Variants in KIF26B observed in about 807,000 individuals in gnomAD.
The protein encoded by KIF26B is kinesin family member 26B.
A neutral mutation model predicts 151.2 loss-of-function variants in KIF26B; 63 were observed. The ratio of observed to expected loss-of-function variants is 0.42; its 90% CI spans 0.34 to 0.51. The LOEUF (loss-of-function observed/expected upper bound fraction) is 0.51. Ranked by LOEUF, KIF26B falls within the 20% of genes least tolerant of loss-of-function variation. The pLI is 0.07. For missense variants in KIF26B, 2,813 were observed against 2,913.6 expected (o/e 0.97, Z 0.79); for synonymous variants, 1,357 against 1,262.1 (o/e 1.08, Z -1.59).
chr1:245,335,202 C>T (rs372288772), intron 2 of KIF26B, among the ~76,000 whole-genome samples: 2 of 152,148 alleles, frequency 1.3e-5, no homozygotes, highest in Non-Finnish European at 2.9e-5. Flanking sequence ...ATAATTGAGG[C>T]ATCACGGACC....
Position 245,552,037 on chromosome 1 carries a change from G to A in KIF26B, c.1350+11087G>A, listed in dbSNP as rs560343514. On this transcript the variant is annotated intron_variant, in intron 5 of 14. Transcript: ENST00000407071. The stretch of plus-strand genomic sequence containing the variant: ...CCCCTTTGAATCCAGAGCACTACAC[G>A]GTGCCCAACTGTCATAGGTGTCATA... Among the ~76,000 whole-genome samples the A allele has an allele frequency of 6.2e-5, 8 of 129,098 alleles. No homozygotes were observed. In the South Asian group the frequency reaches 9.1e-4, roughly 15 times the overall value. The allele number at this position is 129,098 out of a possible 152,430, so 84.7% of individuals were successfully genotyped here.
At chr1:245,213,465 T>A (rs1019409018) in intron 2 of KIF26B, among the ~76,000 whole-genome samples, 3 of 152,054 alleles carry the variant, frequency 2.0e-5, no homozygotes, top group Non-Finnish European at 4.4e-5. Context: ...AACCCTTAAC[T>A]CCCAGAGATC....
intron 10 of KIF26B, among the ~76,000 whole-genome samples, chr1:245,652,314 G>A (rs371634612): frequency 6.6e-6 from 1 of 152,162 alleles, no homozygotes; most frequent in Non-Finnish European, 1.5e-5. Context: ...CAGGTTGCCA[G>A]GCAACTGCAG....
chr1:245,299,519 TTAAG>T (rs1356267612), intron 2 of KIF26B, among the ~76,000 whole-genome samples: 2 of 152,188 alleles, frequency 1.3e-5, no homozygotes, highest in East Asian at 1.9e-4. Flanking sequence ...GTAATGAAAA[TTAAG>T]TAGTTTGCAA....
intron 2 of KIF26B, among the ~76,000 whole-genome samples, chr1:245,204,408 C>T (rs898367906): frequency 6.7e-6 from 1 of 150,050 alleles, no homozygotes; most frequent in Admixed American, 6.6e-5. Context: ...GAGTCTTGCT[C>T]TGCCACCCAG....
chr1:245,524,795 C>T (rs1047770692), intron 4 of KIF26B, among the ~76,000 whole-genome samples: 3 of 152,030 alleles, frequency 2.0e-5, no homozygotes, highest in Admixed American at 6.6e-5. Flanking sequence ...AGCCGAGGCC[C>T]CCCTTATCTT....
chr1:245,224,366 G>C (rs1015225457), intron 2 of KIF26B, among the ~76,000 whole-genome samples: 1 of 152,046 alleles, frequency 6.6e-6, no homozygotes, highest in African/African-American at 2.4e-5. Flanking sequence ...TAGCACGATT[G>C]TCTTCAGGAA....
At chr1:245,172,124 C>T (rs1668721443) in intron 2 of KIF26B, among the ~76,000 whole-genome samples, 1 of 152,194 alleles carries the variant, frequency 6.6e-6, no homozygotes, top group African/African-American at 2.4e-5. Flanking sequence ...ATTTCTTTGG[C>T]CTTCACCGTA....
intron 2 of KIF26B, among the ~76,000 whole-genome samples, chr1:245,257,350 A>G (rs112670512): frequency 0.025 from 3,860 of 152,342 alleles, 150 homozygotes; most frequent in African/African-American, 0.086. Flanking sequence ...GCTGTGTCAC[A>G]GGCCACGGTC....
chr1:245,163,673 A>G (rs1668568980), intron 2 of KIF26B, among the ~76,000 whole-genome samples: 1 of 152,120 alleles, frequency 6.6e-6, no homozygotes, highest in Non-Finnish European at 1.5e-5. Flanking sequence ...GAACAAGTCT[A>G]CTTTTTAGCA....
At chr1:245,696,075 GC>G (rs1038880351) in intron 12 of KIF26B, among the ~76,000 whole-genome samples, 1 of 152,246 alleles carries the variant, frequency 6.6e-6, no homozygotes, top group African/African-American at 2.4e-5. Context: ...CTCCAAGATG[GC>G]CCCCATGGTC....
chr1:245,383,553 G>A (rs2103018591), intron 3 of KIF26B, among the ~76,000 whole-genome samples: 1 of 152,290 alleles, frequency 6.6e-6, no homozygotes, highest in East Asian at 1.9e-4. Context: ...ATAGAATGCA[G>A]GTGCTTCCAG....
At chr1:245,446,725 A>G (rs1031404936) in intron 4 of KIF26B, among the ~76,000 whole-genome samples, 2 of 152,226 alleles carry the variant, frequency 1.3e-5, no homozygotes, top group African/African-American at 2.4e-5. Flanking sequence ...TGAGCTCTTC[A>G]TCTCATGATA....
intron 3 of KIF26B, among the ~76,000 whole-genome samples, chr1:245,390,547 T>A (rs2103021924): frequency 6.6e-6 from 1 of 152,094 alleles, no homozygotes; most frequent in African/African-American, 2.4e-5. Flanking sequence ...TTTTATTGAA[T>A]CAAAAAATGT....
At position 245,512,390 on chromosome 1, in the gene KIF26B, C is replaced by T. The variant is rs1458959192; in HGVS notation, c.1167-28377C>T. Among the ~76,000 whole-genome samples, 1 of 152,192 alleles carries T rather than the reference C, an allele frequency of 6.6e-6. No homozygotes were observed. Among genetic ancestry groups the T allele is most frequent in the African/African-American group, 2.4e-5 (1 of 41,450 alleles). ...TGCCCAGCCTTGGACAGAGGGAGTA[C>T]TGTGAAGCAACATGCAGGGCTGCCA... On this transcript the variant is annotated intron_variant, in intron 4 of 14. Coordinates refer to ENST00000407071, the MANE Select transcript of KIF26B (RefSeq NM_018012.4). The surrounding 1 kb of genome is among the most constrained non-coding windows in gnomAD (Gnocchi z 4.3).
intron 4 of KIF26B, among the ~76,000 whole-genome samples, chr1:245,421,954 G>T (rs1658499587): frequency 6.6e-6 from 1 of 152,124 alleles, no homozygotes; most frequent in African/African-American, 2.4e-5. Flanking sequence ...AAAGCCTAGG[G>T]TGGAAGGGAG....
At position 245,647,389 on chromosome 1, in the gene KIF26B, C is replaced by CACTCCAGCCTGGGCAACAGAGCGAG. The variant is rs561459657; in HGVS notation, c.2258+1115_2258+1139dup. Among the ~76,000 whole-genome samples the CACTCCAGCCTGGGCAACAGAGCGAG allele has an allele frequency of 1.3e-3, 165 of 131,594 alleles. 1 individual carries two copies. In the East Asian group the frequency reaches 0.031, roughly 25 times the overall value. 86.3% of individuals were successfully genotyped at this position (131,594 alleles called of 152,430 possible). ...GCAGTGAGCCAAGATCACGCCACTG[C>CACTCCAGCCTGGGCAACAGAGCGAG]ACTCCAGCCTGGGCAACAGAGCGAG... On this transcript the variant is annotated intron_variant, in intron 10 of 14. Coordinates refer to ENST00000407071, the MANE Select transcript of KIF26B (RefSeq NM_018012.4).
intron 5 of KIF26B, among the ~76,000 whole-genome samples, chr1:245,579,322 T>G (rs900043564): frequency 1.3e-5 from 2 of 151,684 alleles, no homozygotes; most frequent in African/African-American, 4.8e-5. Flanking sequence ...GAAAAAAAAA[T>G]AGCAACAAAT....
At chr1:245,261,496 TCTCTCTCCCTCC>T (rs767098468) in intron 2 of KIF26B, among the ~76,000 whole-genome samples, 8,105 of 70,058 alleles carry the variant, frequency 0.12, 234 homozygotes, top group Admixed American at 0.15. Flanking sequence ...TCTCTCTCTC[TCTCTCTCCCTCC>T]CTCCCTCCCT....
Sources: allele counts gnomAD v4.1 joint callset (sites outside exome capture counted in the v4.1 genomes callset), GRCh38; gene constraint gnomAD v4.1.1; non-coding constraint Gnocchi (gnomAD v3.1); transcripts MANE v1.5; gene names NCBI Gene and HGNC (gene_info 2026-07-23, HGNC 2026-07-21).